DSCAM: variants seen among roughly 807,000 people sequenced by gnomAD.
DSCAM encodes DS cell adhesion molecule, also known as cell adhesion molecule DSCAM.
A neutral mutation model predicts 217.7 loss-of-function variants in DSCAM; 47 were observed. That is an observed-to-expected ratio of 0.22 (90% CI 0.17 to 0.28). DSCAM has a LOEUF of 0.28. Among genes scored for constraint, DSCAM ranks in the 10% least tolerant of loss-of-function variants. The probability of loss-of-function intolerance (pLI) is 1.00; values close to 1 mark genes in which losing one functional copy is unlikely to be tolerated. For missense variants in DSCAM, 2,080 were observed against 2,618.3 expected (o/e 0.79, Z 4.49); for synonymous variants, 1,056 against 1,015.3 (o/e 1.04, Z -0.76).
chr21:40,452,507 T>C (rs1396789241), intron 3 of DSCAM, among the ~76,000 whole-genome samples: 1 of 152,070 alleles, frequency 6.6e-6, no homozygotes, highest in South Asian at 2.1e-4. Context: ...GAAAGTTTAG[T>C]TTCAACAGTT....
rs2075281700 is a variant in DSCAM, at chr21:40,406,600, T to G, written c.509-37355A>C. Reference sequence around the variant, plus strand: ...TATGTAAAACGTTTTTGTTTGTTTGTTTGTTTTTGAGACAGGGTCTGGCTA... The same window carrying G: ...TATGTAAAACGTTTTTGTTTGTTTGGTTGTTTTTGAGACAGGGTCTGGCTA... On this transcript the variant is annotated intron_variant, in intron 3 of 32. Transcript: ENST00000400454. Among the ~76,000 whole-genome samples, 5 of 152,122 alleles carry G rather than the reference T, an allele frequency of 3.3e-5. No homozygotes were observed. In the South Asian group the frequency reaches 1.0e-3, roughly 32 times the overall value.
chr21:40,199,302 C>T (rs1197453396), intron 11 of DSCAM, among the ~76,000 whole-genome samples: 1 of 152,176 alleles, frequency 6.6e-6, no homozygotes, highest in Non-Finnish European at 1.5e-5. Context: ...TGACTTCCAG[C>T]TTCATCCCCT....
Position 40,692,795 on chromosome 21 carries a change from A to G in DSCAM, c.508+15T>C. 1.9e-6 allele frequency: 3 copies of G among 1,607,100 alleles called. No homozygotes were observed. The highest frequency in any genetic ancestry group is 2.6e-6 in the Non-Finnish European group (3 of 1,174,146). On this transcript the variant is annotated intron_variant, in intron 3 of 32. Transcript: ENST00000400454. ...GTGAGCGTGGTGTCCTGCACCCTGG[A>G]GACGCAAAGCCTACCTGAGACAAGT...
chr21:40,100,122 C>A (rs928277165), intron 20 of DSCAM, among the ~76,000 whole-genome samples: 2 of 152,176 alleles, frequency 1.3e-5, no homozygotes, highest in African/African-American at 4.8e-5. Context: ...ATGCCTCCAA[C>A]AGAGGGATGC....
intron 30 of DSCAM, among the ~76,000 whole-genome samples, chr21:40,049,634 CAT>C (rs1323815832): frequency 6.6e-6 from 1 of 152,216 alleles, no homozygotes; most frequent in Admixed American, 6.5e-5. Flanking sequence ...AGCACTGAGC[CAT>C]ATACGTAAAG....
At chr21:40,078,518 T>C (rs891041322) in intron 26 of DSCAM, among the ~76,000 whole-genome samples, 169 bp downstream of exon 26, 2 of 152,122 alleles carry the variant, frequency 1.3e-5, no homozygotes, top group African/African-American at 4.8e-5. Flanking sequence ...CATCTGGATA[T>C]AACGAACTAG....
intron 3 of DSCAM, among the ~76,000 whole-genome samples, chr21:40,611,394 C>A (rs73368943): frequency 6.6e-6 from 1 of 151,990 alleles, no homozygotes; most frequent in Non-Finnish European, 1.5e-5. Flanking sequence ...GGTAACACAG[C>A]GTATCAAAAC....
In DSCAM at chr21:40,474,769, T is replaced by C. The variant is rs1253500556; in HGVS notation, c.509-105524A>G. 1.3e-5 allele frequency among the ~76,000 whole-genome samples: 2 copies of C among 151,984 alleles called. 1 individual carries two copies. Among genetic ancestry groups the C allele is most frequent in the South Asian group, 4.2e-4 (2 of 4,818 alleles). ...TGAACTCAAGGTTTCTGCAGGCGAG[T>C]GCGTGCGTTCTGCCTGGGAAGGGCA... On this transcript the variant is annotated intron_variant, in intron 3 of 32. Transcript: ENST00000400454.
rs71330388 is a variant in DSCAM, at chr21:40,016,874, T to TG, written c.5687-3489dup. Among the ~76,000 whole-genome samples the TG allele has an allele frequency of 6.6e-6, 1 of 152,156 alleles. No homozygotes were observed. The highest frequency in any genetic ancestry group is 2.4e-5 in the African/African-American group (1 of 41,446). ...ACTGGCCTGTAATCCCCGCCCACTTTGGGAGGCCTAGGCAATGGATCACCT... is the reference window on the plus strand; with the variant it reads ...ACTGGCCTGTAATCCCCGCCCACTTTGGGGAGGCCTAGGCAATGGATCACCT... On this transcript the variant is annotated intron_variant, in intron 32 of 32. Coordinates refer to ENST00000400454, the MANE Select transcript of DSCAM (RefSeq NM_001389.5). This position sits in a 1 kb window ranked among gnomAD's most constrained non-coding sequence, Gnocchi z 4.3.
chr21:40,206,401 G>A (rs992866843), intron 11 of DSCAM, among the ~76,000 whole-genome samples: 1 of 152,076 alleles, frequency 6.6e-6, no homozygotes, highest in East Asian at 1.9e-4. Context: ...GGGTAGGCCC[G>A]ACCTGTGGAG....
At chr21:40,726,905 T>C (rs2090961452) in intron 1 of DSCAM, among the ~76,000 whole-genome samples, 1 of 152,032 alleles carries the variant, frequency 6.6e-6, no homozygotes, top group Non-Finnish European at 1.5e-5. Context: ...ACTGGTGACT[T>C]TATAAGAAGA....
At chr21:40,130,310 T>C (rs990808719) in intron 19 of DSCAM, among the ~76,000 whole-genome samples, 2 of 152,186 alleles carry the variant, frequency 1.3e-5, no homozygotes, top group African/African-American at 4.8e-5. Flanking sequence ...GCTGTTGTGC[T>C]CAAAAACAGA....
At chr21:40,551,228 C>T (rs370339486) in intron 3 of DSCAM, among the ~76,000 whole-genome samples, 7 of 152,096 alleles carry the variant, frequency 4.6e-5, no homozygotes, top group Non-Finnish European at 1.0e-4. Flanking sequence ...TCAATACATG[C>T]GAGGTATACA....
intron 1 of DSCAM, among the ~76,000 whole-genome samples, chr21:40,767,804 T>G (rs1479069573): frequency 6.6e-6 from 1 of 151,658 alleles, no homozygotes; most frequent in Non-Finnish European, 1.5e-5. Flanking sequence ...ATTCAGGATC[T>G]TTGAGAGGTA....
chr21:40,093,810 T>G lies in DSCAM; in HGVS notation c.3761A>C (p.Asn1254Thr). 1 of 1,613,936 alleles carries G rather than the reference T, an allele frequency of 6.2e-7. No individual in the cohort carries two copies. Among genetic ancestry groups the G allele is most frequent in the Non-Finnish European group, 8.5e-7 (1 of 1,179,958 alleles). The change falls in exon 21 of 33, where the codon AAT becomes ACT. Residue 1254 changes from asparagine (N) to threonine (T), a missense_variant. Physicochemically the swap from Asn to Thr is moderately conservative, Grantham distance 65. Transcript: ENST00000400454. ...FSYRIPNLSRNRQYSVWVVAV... is the reference protein window; with the variant it reads ...FSYRIPNLSRTRQYSVWVVAV... ...CACCACCCAGACGCTGTACTGACGA[T>G]TCCTACTCAGGTTGGGAATTCTGTA...
intron 3 of DSCAM, among the ~76,000 whole-genome samples, chr21:40,635,459 TAAGA>T (rs1282550601): frequency 6.6e-6 from 1 of 152,046 alleles, no homozygotes; most frequent in Non-Finnish European, 1.5e-5. Context: ...ATAATCTAGT[TAAGA>T]AAGAAAGAGA....
At chr21:40,768,593 A>G (rs1009242245) in intron 1 of DSCAM, among the ~76,000 whole-genome samples, 4 of 152,164 alleles carry the variant, frequency 2.6e-5, no homozygotes, top group African/African-American at 9.7e-5. Flanking sequence ...GTTTATTTTC[A>G]TTAAACACAA....
intron 3 of DSCAM, among the ~76,000 whole-genome samples, chr21:40,668,561 C>G (rs9977484): frequency 0.16 from 24,343 of 152,136 alleles, 2,036 homozygotes; most frequent in East Asian, 0.23. Flanking sequence ...GCAGATTCAG[C>G]AACACCTGGG....
chr21:40,588,101 T>C (rs1281246824), intron 3 of DSCAM, among the ~76,000 whole-genome samples: 1 of 152,172 alleles, frequency 6.6e-6, no homozygotes, highest in Non-Finnish European at 1.5e-5. Context: ...AGGCATGGAC[T>C]TAAAGGCGTT....
Sources: allele counts gnomAD v4.1 joint callset (sites outside exome capture counted in the v4.1 genomes callset), GRCh38; gene constraint gnomAD v4.1.1; non-coding constraint Gnocchi (gnomAD v3.1); transcripts MANE v1.5; gene names NCBI Gene and HGNC (gene_info 2026-07-23, HGNC 2026-07-21).